IFTAP: variants seen among roughly 807,000 people sequenced by gnomAD.
The protein encoded by IFTAP is intraflagellar transport associated protein.
IFTAP carries 19 observed loss-of-function variants against 19.4 expected under a neutral mutation model. The observed-to-expected ratio is 0.98, with a 90% CI of 0.68 to 1.44. The LOEUF is 1.44. Among genes scored for constraint, IFTAP ranks in the 40% most tolerant of loss-of-function variants. The pLI is 0.00. For synonymous variants in IFTAP, 85 were observed against 83.5 expected, an observed-to-expected ratio of 1.02 and a Z score of -0.10; for missense variants, 240 against 253.6, an observed-to-expected ratio of 0.95 and a Z score of 0.36.
chr11:36,597,358 T>C (rs1851311334), intron 1 of IFTAP, among the ~76,000 whole-genome samples: 1 of 152,236 alleles, frequency 6.6e-6, no homozygotes, highest in African/African-American at 2.4e-5. Flanking sequence ...AGTCTTTTCC[T>C]TTTAATAGGC....
chr11:36,623,415 G>C (rs1852384156), intron 2 of IFTAP, among the ~76,000 whole-genome samples: 1 of 149,514 alleles, frequency 6.7e-6, no homozygotes, highest in Non-Finnish European at 1.5e-5. Context: ...CATTTTTGTT[G>C]AATGTCACCA....
intron 4 of IFTAP, among the ~76,000 whole-genome samples, chr11:36,638,150 A>AC (rs1388952829): frequency 1.3e-5 from 2 of 148,618 alleles, no homozygotes; most frequent in African/African-American, 5.2e-5. Flanking sequence ...ACCCCGCCCC[A>AC]CCGCCCGCCC....
At chr11:36,654,266 T>C (rs1280674785) in intron 5 of IFTAP, among the ~76,000 whole-genome samples, 1 of 152,154 alleles carries the variant, frequency 6.6e-6, no homozygotes, top group East Asian at 1.9e-4. Flanking sequence ...ACCATTGACC[T>C]TCCTCTGGCA....
intron 1 of IFTAP, among the ~76,000 whole-genome samples, chr11:36,602,164 AC>A: frequency 6.6e-6 from 1 of 152,240 alleles, no homozygotes; most frequent in East Asian, 1.9e-4. Flanking sequence ...TAGCTGGGAA[AC>A]AAATCTAAAA....
In IFTAP at chr11:36,633,264, T is replaced by C. The variant is rs1214846202; in HGVS notation, c.137-20T>C. The stretch of plus-strand genomic sequence containing the variant: ...TGGTATTGTGGATGTTTTCTAATAG[T>C]GCATAACTTCTTATTTCAGAGGATC... On this transcript the variant is annotated intron_variant, in intron 2 of 5. Coordinates refer to ENST00000334307, the MANE Select transcript of IFTAP (RefSeq NM_138787.4). 6.7e-7 allele frequency: 1 copy of C among 1,503,108 alleles called. No homozygotes were observed. Among genetic ancestry groups the C allele is most frequent in the Non-Finnish European group, 8.8e-7 (1 of 1,136,474 alleles). The allele number at this position is 1,503,108 out of a possible 1,614,324, so 93.1% of individuals were successfully genotyped here. A position where few individuals can be genotyped will look rare whatever the true frequency, so the allele number is the denominator to read the frequency against.
At chr11:36,617,512 G>A (rs192463742) in intron 2 of IFTAP, among the ~76,000 whole-genome samples, 2 of 151,956 alleles carry the variant, frequency 1.3e-5, no homozygotes, top group East Asian at 1.9e-4. Flanking sequence ...GGCTCTGTAG[G>A]TGATTCTGAT....
At chr11:36,636,176 G>A (rs535762764) in intron 4 of IFTAP, 59 bp downstream of exon 4, 2 of 1,283,776 alleles carry the variant, frequency 1.6e-6, no homozygotes. Flanking sequence ...TACAAATAAG[G>A]CTTTAGACAG....
chr11:36,653,948 C>G (rs910083902), intron 5 of IFTAP, among the ~76,000 whole-genome samples: 33 of 152,264 alleles, frequency 2.2e-4, no homozygotes, highest in African/African-American at 7.9e-4. Flanking sequence ...TCTGTCTTTT[C>G]TATTTGTTCA....
intron 2 of IFTAP, among the ~76,000 whole-genome samples, chr11:36,622,871 A>G (rs1852355688): frequency 6.6e-6 from 1 of 152,184 alleles, no homozygotes; most frequent in Non-Finnish European, 1.5e-5. Context: ...AAAACCAACT[A>G]TGTATAGTAC....
intron 5 of IFTAP, 184 bp downstream of exon 5, chr11:36,648,339 A>C (rs1310980474): frequency 1.4e-6 from 1 of 707,884 alleles, no homozygotes; most frequent in Non-Finnish European, 2.2e-6. Context: ...AAACACATAG[A>C]GCAATTATGT....
intron 1 of IFTAP, among the ~76,000 whole-genome samples, chr11:36,605,798 G>A (rs1424912069): frequency 6.6e-6 from 1 of 152,140 alleles, no homozygotes; most frequent in Admixed American, 6.5e-5. Flanking sequence ...AAGACGTTTT[G>A]AGTCTTTCAT....
intron 4 of IFTAP, among the ~76,000 whole-genome samples, chr11:36,637,651 C>G (rs61432856): frequency 0.15 from 23,354 of 151,856 alleles, 2,559 homozygotes; most frequent in African/African-American, 0.31. Context: ...GCATTTTAAC[C>G]GACACCCCCA....
rs115777299 is a variant in IFTAP at position 36,603,479 on chromosome 11, G to A, written c.-23-6602G>A. Among the ~76,000 whole-genome samples the A allele has an allele frequency of 7.8e-4, 118 of 152,208 alleles. 1 individual carries two copies. Among genetic ancestry groups the A allele is most frequent in the African/African-American group, 2.6e-3 (108 of 41,526 alleles). On this transcript the variant is annotated intron_variant, in intron 1 of 5. Coordinates refer to ENST00000334307, the MANE Select transcript of IFTAP (RefSeq NM_138787.4). ...GCTAAAAAAAATTATAGATTCACAA[G>A]ATGAATTCACAGGAGGTTCCAAAGA...
chr11:36,625,423 A>G (rs1852473151), intron 2 of IFTAP, among the ~76,000 whole-genome samples: 1 of 152,194 alleles, frequency 6.6e-6, no homozygotes, highest in African/African-American at 2.4e-5. Flanking sequence ...CACTCTACAG[A>G]TAAGAAGTAA....
chr11:36,613,312 T>A (rs575081058), intron 2 of IFTAP, among the ~76,000 whole-genome samples: 1 of 152,016 alleles, frequency 6.6e-6, no homozygotes, highest in Admixed American at 6.6e-5. Context: ...AAAAAAGGCT[T>A]CTTTCTTCTT....
intron 4 of IFTAP, among the ~76,000 whole-genome samples, chr11:36,640,667 G>C (rs11033731): frequency 6.6e-6 from 1 of 152,040 alleles, no homozygotes; most frequent in Non-Finnish European, 1.5e-5. Context: ...AATTGGCAAT[G>C]GATCAAGCGA....
intron 1 of IFTAP, among the ~76,000 whole-genome samples, chr11:36,602,477 A>G (rs538091310): frequency 6.6e-6 from 1 of 152,168 alleles, no homozygotes; most frequent in African/African-American, 2.4e-5. Flanking sequence ...GGGACATTGT[A>G]TCTTATATGA....
chr11:36,627,849 A>C (rs1225818140), intron 2 of IFTAP, among the ~76,000 whole-genome samples: 2 of 151,152 alleles, frequency 1.3e-5, no homozygotes, highest in South Asian at 2.1e-4. Flanking sequence ...TTTAAAAAAA[A>C]AGTTATCTAG....
chr11:36,616,024 G>A lies in IFTAP; in HGVS notation c.136+5785G>A, dbSNP rs553549773. On this transcript the variant is annotated intron_variant, in intron 2 of 5. Coordinates refer to ENST00000334307, the MANE Select transcript of IFTAP (RefSeq NM_138787.4). ...TAGAGTGGTAATTACTGCTCATGTT[G>A]CTGTCACACAGAGATTGTATAATTA... Among the ~76,000 whole-genome samples the A allele has an allele frequency of 9.9e-5, 15 of 152,056 alleles. No individual in the cohort carries two copies. The South Asian group carries it at 3.1e-3, about 32-fold the overall frequency.
Sources: gnomAD v4.1 joint callset for allele counts (sites outside exome capture counted in the v4.1 genomes callset) on GRCh38, gnomAD v4.1.1 for gene constraint, MANE v1.5 for transcripts, NCBI Gene and HGNC (gene_info 2026-07-23, HGNC 2026-07-21) for gene names.